Variants in TAX1BP1 observed in about 807,000 individuals in gnomAD.
TAX1BP1 encodes the protein Tax1 binding protein 1.
Under a neutral mutation model 97.7 loss-of-function variants are expected in TAX1BP1, and 62 were observed. The ratio of observed to expected loss-of-function variants is 0.63; its 90% CI spans 0.52 to 0.78. The LOEUF (loss-of-function observed/expected upper bound fraction) is 0.78. TAX1BP1 is among the 30% of genes least tolerant of loss of function. The pLI is 0.00. For synonymous variants in TAX1BP1, 340 were observed against 304.2 expected (o/e 1.12, Z -1.23); for missense variants, 867 against 916.1 (o/e 0.95, Z 0.69).
chr7:27,744,249 C>T (rs1787733387), intron 1 of TAX1BP1, among the ~76,000 whole-genome samples: 1 of 152,196 alleles, frequency 6.6e-6, no homozygotes, highest in East Asian at 1.9e-4. Context: ...CCTCAGCCTC[C>T]CGAGTAGCTG....
chr7:27,755,296 A>G (rs1380650023), intron 2 of TAX1BP1, among the ~76,000 whole-genome samples: 1 of 152,086 alleles, frequency 6.6e-6, no homozygotes, highest in Non-Finnish European at 1.5e-5. Flanking sequence ...GAATCCTCCT[A>G]TATCCATATG....
chr7:27,820,110 T>A (rs1205779684), intron 15 of TAX1BP1, among the ~76,000 whole-genome samples: 1 of 152,242 alleles, frequency 6.6e-6, no homozygotes. Flanking sequence ...ATTTTAAAAC[T>A]GCCTAACCCC....
At chr7:27,806,085 TCA>T (rs1475591407) in intron 13 of TAX1BP1, among the ~76,000 whole-genome samples, 1 of 147,038 alleles carries the variant, frequency 6.8e-6, no homozygotes. Flanking sequence ...TGATAGAGTT[TCA>T]GTTTTTTTTT....
chr7:27,781,994 A>C (rs924994711), intron 5 of TAX1BP1, among the ~76,000 whole-genome samples: 1 of 152,042 alleles, frequency 6.6e-6, no homozygotes, highest in African/African-American at 2.4e-5. Context: ...GTGATTACAG[A>C]CATGAGCCAC....
chr7:27,767,831 G>C (rs7807738), intron 4 of TAX1BP1, among the ~76,000 whole-genome samples: 51,621 of 151,870 alleles, frequency 0.34, 9,215 homozygotes, highest in Middle Eastern at 0.4. Context: ...TGTGAAAATT[G>C]CTGTTTCTTA....
intron 5 of TAX1BP1, among the ~76,000 whole-genome samples, chr7:27,784,511 G>A (rs1402579152): frequency 2.0e-5 from 3 of 152,174 alleles, no homozygotes; most frequent in Non-Finnish European, 4.4e-5. Context: ...ATATGTTAGT[G>A]CTTTGATGGC....
At chr7:27,776,761 C>T (rs1198950315) in intron 5 of TAX1BP1, among the ~76,000 whole-genome samples, 2 of 148,570 alleles carry the variant, frequency 1.3e-5, no homozygotes, top group East Asian at 3.9e-4. Flanking sequence ...CTCGAGTACA[C>T]ATATGTTTTG....
intron 13 of TAX1BP1, among the ~76,000 whole-genome samples, chr7:27,800,743 A>G (rs1790102780): frequency 6.6e-6 from 1 of 152,190 alleles, no homozygotes; most frequent in African/African-American, 2.4e-5. Context: ...ATCTTAACTG[A>G]TGAAAATTAT....
intron 15 of TAX1BP1, among the ~76,000 whole-genome samples, chr7:27,825,870 T>C (rs1791159539): frequency 6.6e-6 from 1 of 152,202 alleles, no homozygotes; most frequent in South Asian, 2.1e-4. Context: ...ATTTTAAATA[T>C]TTGTCGTTAA....
chr7:27,803,698 T>C (rs1790228835), intron 13 of TAX1BP1, among the ~76,000 whole-genome samples: 1 of 152,222 alleles, frequency 6.6e-6, no homozygotes, highest in Admixed American at 6.5e-5. Context: ...AAAAAGCCAG[T>C]TGCACTGAAG....
intron 5 of TAX1BP1, among the ~76,000 whole-genome samples, chr7:27,773,749 G>A (rs532904062): frequency 6.6e-6 from 1 of 152,096 alleles, no homozygotes; most frequent in Admixed American, 6.6e-5. Context: ...TTGTGTTCTT[G>A]TTTGTATTTT....
chr7:27,807,790 A>G (rs1790396248), intron 13 of TAX1BP1, among the ~76,000 whole-genome samples: 1 of 152,190 alleles, frequency 6.6e-6, no homozygotes, highest in Non-Finnish European at 1.5e-5. Context: ...TATATTGATT[A>G]GAATTTTTCT....
chr7:27,761,777 G>T (rs563320246), intron 3 of TAX1BP1, among the ~76,000 whole-genome samples: 1 of 152,152 alleles, frequency 6.6e-6, no homozygotes, highest in Non-Finnish European at 1.5e-5. Context: ...AAATAATGCT[G>T]CAATAAACAC....
chr7:27,819,225 C>T (rs1384357581), intron 15 of TAX1BP1, among the ~76,000 whole-genome samples: 1 of 151,236 alleles, frequency 6.6e-6, no homozygotes, highest in African/African-American at 2.4e-5. Context: ...GACTTGCTGA[C>T]CGTTAAGTAT....
intron 13 of TAX1BP1, among the ~76,000 whole-genome samples, chr7:27,812,409 G>C (rs958373762): frequency 4.6e-5 from 7 of 151,906 alleles, no homozygotes; most frequent in African/African-American, 1.7e-4. Context: ...AGATATTTTG[G>C]TGTTATTTTC....
chr7:27,751,003 G>C (rs550330875), intron 2 of TAX1BP1, among the ~76,000 whole-genome samples: 1 of 152,020 alleles, frequency 6.6e-6, no homozygotes, highest in Non-Finnish European at 1.5e-5. Context: ...ACTCTTCATT[G>C]GTTCTTCATC....
chr7:27,742,138 T>C (rs1361243468), intron 1 of TAX1BP1, among the ~76,000 whole-genome samples: 3 of 152,186 alleles, frequency 2.0e-5, no homozygotes, highest in African/African-American at 2.4e-5. Flanking sequence ...GATGCCTTCC[T>C]CTTGTCTCAA....
intron 15 of TAX1BP1, among the ~76,000 whole-genome samples, chr7:27,824,134 A>G (rs1791081322): frequency 6.6e-6 from 1 of 152,154 alleles, no homozygotes; most frequent in East Asian, 1.9e-4. Context: ...TTGGGCATAT[A>G]CCCTGAAGTA....
At chr7:27,788,458 C>G (rs1174269161) in intron 8 of TAX1BP1, among the ~76,000 whole-genome samples, 1 of 152,026 alleles carries the variant, frequency 6.6e-6, no homozygotes, top group Non-Finnish European at 1.5e-5. Flanking sequence ...TCCTCACCTG[C>G]ATCAGCTATT....
Sources: gnomAD v4.1 joint callset for allele counts (sites outside exome capture counted in the v4.1 genomes callset) on GRCh38, gnomAD v4.1.1 for gene constraint, MANE v1.5 for transcripts, NCBI Gene and HGNC (gene_info 2026-07-23, HGNC 2026-07-21) for gene names.